The following ACYP2 variants were observed in gnomAD, a reference collection of about 807,000 sequenced individuals.
ACYP2 encodes the protein acylphosphatase-2.
Under a neutral mutation model 11.2 loss-of-function variants are expected in ACYP2, and 12 were observed. The ratio of observed to expected loss-of-function variants is 1.08; its 90% confidence interval spans 0.69 to 1.74. The LOEUF is 1.74. Ranked by LOEUF, ACYP2 falls within the 40% of genes most tolerant of loss-of-function variation. ACYP2 has a pLI of 0.00. For missense variants in ACYP2, 134 were observed against 101.9 expected (o/e 1.31, Z -1.35); for synonymous variants, 43 against 32.2 (o/e 1.33, Z -1.13).
chr2:54,129,326 T>C lies in ACYP2; in HGVS notation c.278-6127T>C, dbSNP rs142503356. 1.9e-3 allele frequency among the ~76,000 whole-genome samples: 287 copies of C among 152,282 alleles called. 1 individual carries two copies. Among genetic ancestry groups the C allele is most frequent in the African/African-American group, 6.5e-3 (270 of 41,562 alleles). On this transcript the variant is annotated intron_variant, in intron 4 of 6. Transcript: ENST00000607452. Reference sequence around the variant, plus strand: ...TTTTATTTTTCTTTCAGAAATGAAGTCTTGCTTTGTTGCCCAGGCTGATCT... The same window carrying C: ...TTTTATTTTTCTTTCAGAAATGAAGCCTTGCTTTGTTGCCCAGGCTGATCT...
chr2:54,004,710 A>T (rs1427662841), intron 2 of ACYP2, among the ~76,000 whole-genome samples: 1 of 151,786 alleles, frequency 6.6e-6, no homozygotes, highest in Non-Finnish European at 1.5e-5. Flanking sequence ...GCGCTCAGCC[A>T]GTTTACCCAT....
intron 6 of ACYP2, among the ~76,000 whole-genome samples, chr2:54,162,347 C>T (rs1358187919): frequency 6.6e-6 from 1 of 152,188 alleles, no homozygotes; most frequent in Non-Finnish European, 1.5e-5. Flanking sequence ...CTTCTTGTAA[C>T]ATAAATGAAA....
intron 6 of ACYP2, among the ~76,000 whole-genome samples, chr2:54,215,169 C>A (rs1035174991): frequency 1.3e-5 from 2 of 152,082 alleles, no homozygotes; most frequent in Admixed American, 1.3e-4. Context: ...GGGTTTTCTA[C>A]GTATAGAATT....
chr2:54,138,921 C>A (rs554656776), intron 6 of ACYP2, among the ~76,000 whole-genome samples, 173 bp downstream of exon 3: 9 of 152,036 alleles, frequency 5.9e-5, no homozygotes, highest in Non-Finnish European at 1.2e-4. Context: ...TCCCAAGTAG[C>A]TGGGACTACA....
chr2:54,293,493 G>A (rs149437301), intron 6 of ACYP2, among the ~76,000 whole-genome samples: 2 of 152,126 alleles, frequency 1.3e-5, no homozygotes, highest in Non-Finnish European at 2.9e-5. Context: ...GCCATTTTCC[G>A]CTGCAAGCTG....
intron 6 of ACYP2, among the ~76,000 whole-genome samples, chr2:54,149,247 G>A (rs567504652): frequency 2.0e-5 from 3 of 152,304 alleles, no homozygotes; most frequent in South Asian, 4.1e-4. Flanking sequence ...ATGAAAATGT[G>A]GAATACAACA....
intron 4 of ACYP2, among the ~76,000 whole-genome samples, chr2:54,121,454 C>G (rs1680153059): frequency 6.6e-6 from 1 of 152,210 alleles, no homozygotes; most frequent in African/African-American, 2.4e-5. Flanking sequence ...CTGTCCCTGT[C>G]TACCGAGGAA....
intron 6 of ACYP2, among the ~76,000 whole-genome samples, chr2:54,251,315 T>G (rs1687212598): frequency 6.6e-6 from 1 of 152,202 alleles, no homozygotes; most frequent in Non-Finnish European, 1.5e-5. Context: ...AGCATACTTT[T>G]AAATTGGCCT....
chr2:54,059,517 C>G (rs531006918), intron 4 of ACYP2, among the ~76,000 whole-genome samples: 10 of 152,174 alleles, frequency 6.6e-5, no homozygotes, highest in Admixed American at 4.6e-4. Context: ...CGGCGAGCAT[C>G]TTATTATTTT....
At chr2:54,180,629 A>G (rs1683663669) in intron 6 of ACYP2, among the ~76,000 whole-genome samples, 1 of 152,108 alleles carries the variant, frequency 6.6e-6, no homozygotes, top group Non-Finnish European at 1.5e-5. Flanking sequence ...ATCATGGCTC[A>G]CTGCAGTTTC....
At chr2:53,985,549 CA>C (rs1558453215) in intron 2 of ACYP2, among the ~76,000 whole-genome samples, 1 of 152,116 alleles carries the variant, frequency 6.6e-6, no homozygotes, top group Non-Finnish European at 1.5e-5. Context: ...AGCACTACCC[CA>C]AAGAGTCTAA....
At chr2:54,079,212 C>G (rs1181358076) in intron 4 of ACYP2, among the ~76,000 whole-genome samples, 1 of 152,168 alleles carries the variant, frequency 6.6e-6, no homozygotes, top group African/African-American at 2.4e-5. Flanking sequence ...GTGCTCATGT[C>G]TTCCCTCCAC....
At chr2:54,232,577 A>G (rs563107084) in intron 6 of ACYP2, among the ~76,000 whole-genome samples, 1 of 152,258 alleles carries the variant, frequency 6.6e-6, no homozygotes, top group East Asian at 1.9e-4. Context: ...TGTCAAAGGA[A>G]ATGGGTATTA....
chr2:54,244,896 T>G (rs1385591629), intron 6 of ACYP2, among the ~76,000 whole-genome samples: 1 of 152,168 alleles, frequency 6.6e-6, no homozygotes, highest in Non-Finnish European at 1.5e-5. Context: ...TTGGAAAAAT[T>G]CAATACCCTC....
At chr2:54,073,570 G>T (rs1419691847) in intron 4 of ACYP2, among the ~76,000 whole-genome samples, 1 of 152,074 alleles carries the variant, frequency 6.6e-6, no homozygotes, top group Non-Finnish European at 1.5e-5. Flanking sequence ...TGTTTCAAAA[G>T]ACACCACCAT....
At chr2:54,089,373 A>G (rs1452843456) in intron 4 of ACYP2, among the ~76,000 whole-genome samples, 3 of 151,750 alleles carry the variant, frequency 2.0e-5, no homozygotes, top group African/African-American at 4.8e-5. Flanking sequence ...AGGAGAGGAG[A>G]TTGCTTGAGG....
rs777179867 is a variant in ACYP2, at chr2:54,256,113, G to A, written c.405-48575G>A. ...GGTGCGGGTCTTCCAGAGCATAGTC[G>A]AGAGTAGCGGGGCTGTGAGGACTCT... On this transcript the variant is annotated intron_variant, in intron 6 of 6. Coordinates refer to ENST00000607452, the MANE Select transcript of ACYP2 (RefSeq NM_001320586.2). 19 of 1,613,944 alleles carry A rather than the reference G, an allele frequency of 1.2e-5. No individual in the cohort carries two copies. Among genetic ancestry groups the A allele is most frequent in the Non-Finnish European group, 1.5e-5 (18 of 1,180,000 alleles).
chr2:54,274,505 G>C (rs1688458883), intron 6 of ACYP2, among the ~76,000 whole-genome samples: 2 of 151,554 alleles, frequency 1.3e-5, no homozygotes, highest in African/African-American at 4.9e-5. Context: ...ACCAGGTACG[G>C]TGGTGCACAC....
chr2:54,012,826 T>C (rs1483890665), intron 2 of ACYP2, among the ~76,000 whole-genome samples: 3 of 152,112 alleles, frequency 2.0e-5, no homozygotes, highest in African/African-American at 7.2e-5. Context: ...AAGTCACTCT[T>C]GGCGCTGGAG....
Sources: allele counts gnomAD v4.1 joint callset (sites outside exome capture counted in the v4.1 genomes callset), GRCh38; gene constraint gnomAD v4.1.1; transcripts MANE v1.5; gene names NCBI Gene and HGNC (gene_info 2026-07-23, HGNC 2026-07-21).